Variants in ATP9B observed in about 807,000 individuals in gnomAD.
ATP9B encodes probable phospholipid-transporting ATPase IIB.
Under a neutral mutation model 146.1 loss-of-function variants are expected in ATP9B, and 110 were observed. The ratio of observed to expected loss-of-function variants is 0.75; its 90% CI spans 0.65 to 0.88. The LOEUF is 0.88. ATP9B is among the 40% of genes least tolerant of loss of function. The pLI is 0.00. For missense variants in ATP9B, 1,499 were observed against 1,496.4 expected (o/e 1.00, Z -0.03); for synonymous variants, 604 against 569.7 (o/e 1.06, Z -0.86).
At chr18:79,190,669 G>A (rs991354255) in intron 8 of ATP9B, among the ~76,000 whole-genome samples, 29 of 151,926 alleles carry the variant, frequency 1.9e-4, no homozygotes, top group Middle Eastern at 3.2e-3. Context: ...CTTTAGGCTC[G>A]TGAATAGCTG....
intron 26 of ATP9B, among the ~76,000 whole-genome samples, chr18:79,370,301 ATTAC>A (rs1452647636): frequency 1.3e-5 from 2 of 152,068 alleles, no homozygotes; most frequent in African/African-American, 2.4e-5. Flanking sequence ...ACATGCCACT[ATTAC>A]TTCTATTTCA....
intron 1 of ATP9B, among the ~76,000 whole-genome samples, chr18:79,074,579 C>A (rs763807863): frequency 1.3e-5 from 2 of 152,212 alleles, no homozygotes; most frequent in Non-Finnish European, 2.9e-5. Context: ...CCTTACTGGG[C>A]CAGCAGCTTG....
At chr18:79,211,716 A>G (rs1263213135) in intron 10 of ATP9B, among the ~76,000 whole-genome samples, 2 of 152,206 alleles carry the variant, frequency 1.3e-5, no homozygotes, top group Non-Finnish European at 2.9e-5. Context: ...TGATTTAATG[A>G]TGAATACTGG....
At chr18:79,118,296 A>G (rs540600909) in intron 4 of ATP9B, among the ~76,000 whole-genome samples, 36 of 149,780 alleles carry the variant, frequency 2.4e-4, no homozygotes, top group African/African-American at 7.1e-4. Flanking sequence ...GATTTTTTTC[A>G]TTTTCTAATA....
intron 19 of ATP9B, 77 bp downstream of exon 19, chr18:79,337,526 T>C (rs1023254337): frequency 1.3e-5 from 20 of 1,537,494 alleles, no homozygotes; most frequent in Middle Eastern, 4.4e-4. Context: ...CATGGTGATT[T>C]GTGAAACTCC....
intron 2 of ATP9B, among the ~76,000 whole-genome samples, chr18:79,107,126 C>CT (rs2075703304): frequency 6.6e-6 from 1 of 152,152 alleles, no homozygotes; most frequent in Non-Finnish European, 1.5e-5. Flanking sequence ...GAATTTTGCT[C>CT]TATTTGAAAT....
Position 79,126,520 on chromosome 18 carries a change from TATA to T in ATP9B, c.667+148_667+150del, listed in dbSNP as rs1432308002. 1.0e-5 allele frequency: 6 copies of T among 590,476 alleles called. No homozygotes were observed. The South Asian group carries it at 1.1e-4, about 11-fold the overall frequency. 36.6% of individuals were successfully genotyped at this position (590,476 alleles called of 1,614,324 possible). On this transcript the variant is annotated intron_variant, in intron 5 of 29. Coordinates refer to ENST00000426216, the MANE Select transcript of ATP9B (RefSeq NM_198531.5). ...GTATATGATATCTAATTAATTTCCT[TATA>T]ATGTATAATGCAATTTTAGGGTAGA...
At chr18:79,329,469 T>C (rs2096778778) in intron 16 of ATP9B, among the ~76,000 whole-genome samples, 167 bp downstream of exon 16, 1 of 151,940 alleles carries the variant, frequency 6.6e-6, no homozygotes, top group South Asian at 2.1e-4. Flanking sequence ...ATAATCTATA[T>C]CTGGGAACCT....
chr18:79,348,718 G>A (rs917492002), intron 25 of ATP9B, among the ~76,000 whole-genome samples: 1 of 152,268 alleles, frequency 6.6e-6, no homozygotes, highest in African/African-American at 2.4e-5. Context: ...GCTCACGCCT[G>A]TAATCCCAGC....
intron 1 of ATP9B, 49 bp from the exon 2 acceptor site, chr18:79,096,427 A>G: frequency 1.3e-6 from 2 of 1,542,144 alleles, no homozygotes; most frequent in Non-Finnish European, 8.9e-7. Context: ...AACACACTGT[A>G]AAGAAGACTG....
chr18:79,200,959 C>G (rs1251544845), intron 9 of ATP9B, among the ~76,000 whole-genome samples: 2 of 152,156 alleles, frequency 1.3e-5, no homozygotes, highest in Non-Finnish European at 2.9e-5. Flanking sequence ...GGTGCAAGTG[C>G]CAAGTGTTGA....
chr18:79,198,006 A>T (rs2095432378), intron 9 of ATP9B, among the ~76,000 whole-genome samples: 1 of 152,260 alleles, frequency 6.6e-6, no homozygotes, highest in Non-Finnish European at 1.5e-5. Context: ...TATTAAATGC[A>T]ACAGCTACAT....
chr18:79,202,128 G>A (rs1472141221), intron 9 of ATP9B, among the ~76,000 whole-genome samples: 1 of 152,198 alleles, frequency 6.6e-6, no homozygotes, highest in Non-Finnish European at 1.5e-5. Flanking sequence ...CAGTATGCAT[G>A]CTGATGCCTG....
chr18:79,075,318 A>C (rs1405817983), intron 1 of ATP9B, among the ~76,000 whole-genome samples: 1 of 152,130 alleles, frequency 6.6e-6, no homozygotes, highest in African/African-American at 2.4e-5. Flanking sequence ...TGCCCAACTA[A>C]TTTTTTAATT....
intron 9 of ATP9B, chr18:79,194,284 G>T (rs1202703478): frequency 6.6e-6 from 1 of 152,260 alleles, no homozygotes; most frequent in African/African-American, 2.4e-5. Context: ...AAATGAAAAG[G>T]TATTTATGTA....
intron 8 of ATP9B, among the ~76,000 whole-genome samples, chr18:79,186,235 G>A: frequency 6.6e-6 from 1 of 152,116 alleles, no homozygotes. Context: ...AATTTTATTT[G>A]TAATGAACCA....
rs530213342 is a variant in ATP9B at position 79,375,342 on chromosome 18, T to C, written c.3275-52T>C. The C allele has an allele frequency of 2.7e-5, 40 of 1,483,302 alleles. 1 individual carries two copies. The East Asian group carries it at 8.2e-4, about 30-fold the overall frequency. The allele number at this position is 1,483,302 out of a possible 1,614,324, so 91.9% of individuals were successfully genotyped here. ...CTTTTGCTAACCCCTTGAAATATCC[T>C]GGTATCTCCTTTAATCTGTCCTTTA... On this transcript the variant is annotated intron_variant, in intron 28 of 29. Transcript: ENST00000426216.
chr18:79,360,245 C>A (rs2147836908), intron 26 of ATP9B: 1 of 152,276 alleles, frequency 6.6e-6, no homozygotes, highest in South Asian at 2.1e-4. Context: ...TTTGAATCAA[C>A]ATTGAAAACA....
intron 11 of ATP9B, among the ~76,000 whole-genome samples, chr18:79,248,799 G>T (rs1044432414): frequency 1.3e-5 from 2 of 152,196 alleles, no homozygotes; most frequent in African/African-American, 4.8e-5. Flanking sequence ...CTTTGTAAGG[G>T]GTAAGTACGC....
Sources: gnomAD v4.1 joint callset for allele counts (sites outside exome capture counted in the v4.1 genomes callset) on GRCh38, gnomAD v4.1.1 for gene constraint, MANE v1.5 for transcripts, NCBI Gene and HGNC (gene_info 2026-07-23, HGNC 2026-07-21) for gene names.